Variants in SKA2 observed in about 807,000 individuals in gnomAD.
SKA2 encodes spindle and kinetochore associated complex subunit 2.
In SKA2, 13 loss-of-function variants were observed where a neutral mutation model predicts 16.9. The ratio of observed to expected loss-of-function variants is 0.77; its 90% CI spans 0.50 to 1.22. The LOEUF (loss-of-function observed/expected upper bound fraction) is 1.22. Among genes scored for constraint, SKA2 ranks in the 50% most tolerant of loss-of-function variants. SKA2 has a pLI of 0.00. For missense variants in SKA2, 107 were observed against 139.7 expected, an observed-to-expected ratio of 0.77 and a Z score of 1.18; for synonymous variants, 47 against 48.5, an observed-to-expected ratio of 0.97 and a Z score of 0.13.
chr17:59,144,071 G>A (rs909979797), intron 1 of SKA2, among the ~76,000 whole-genome samples: 2 of 151,984 alleles, frequency 1.3e-5, no homozygotes, highest in South Asian at 2.1e-4. Flanking sequence ...CAGGAGAATC[G>A]CTTGAACCCC....
At chr17:59,127,908 T>C (rs2046382609) in intron 2 of SKA2, among the ~76,000 whole-genome samples, 1 of 152,084 alleles carries the variant, frequency 6.6e-6, no homozygotes, top group East Asian at 1.9e-4. Flanking sequence ...CACCATCAAC[T>C]GATGACTGGA....
At position 59,131,231 on chromosome 17, in the gene SKA2, G is replaced by A. The variant is rs763434005; in HGVS notation, c.120+50C>T. 3 of 1,285,612 alleles carry A rather than the reference G, an allele frequency of 2.3e-6. No homozygotes were observed. In the African/African-American group the frequency reaches 4.5e-5, roughly 19 times the overall value. 79.6% of individuals were successfully genotyped at this position (1,285,612 alleles called of 1,614,324 possible). ...AGGAATGCTATCAGAAAATTCTAAA[G>A]TATTCAGTTAAGGCTGATTTTTTTT... On this transcript the variant is annotated intron_variant, in intron 2 of 3. Coordinates refer to ENST00000330137, the MANE Select transcript of SKA2 (RefSeq NM_182620.4).
intron 2 of SKA2, among the ~76,000 whole-genome samples, chr17:59,127,807 A>G (rs2046382059): frequency 1.3e-5 from 2 of 152,302 alleles, no homozygotes; most frequent in Admixed American, 6.5e-5. Flanking sequence ...ACTCCAAGGT[A>G]TATACTCGAG....
At chr17:59,138,200 G>C (rs1183848091) in intron 1 of SKA2, among the ~76,000 whole-genome samples, 4 of 151,850 alleles carry the variant, frequency 2.6e-5, no homozygotes, top group African/African-American at 9.7e-5. Flanking sequence ...TACAAAATTA[G>C]GTGAAAAAAG....
chr17:59,113,038 G>A (rs557442172), intron 3 of SKA2, among the ~76,000 whole-genome samples: 44 of 150,572 alleles, frequency 2.9e-4, no homozygotes, highest in African/African-American at 1.0e-3. Context: ...TCAGCCTCCC[G>A]AGTAGCTAAT....
In SKA2 at chr17:59,110,065, A is replaced by C. The variant is rs1279243884; in HGVS notation, c.*2212T>G. ...GTGGCTATTAACAATAAAATCAGTA[A>C]GTATTCTGGACATGTTTAACTTGAA... On this transcript the variant is annotated 3_prime_UTR_variant, in exon 4 of 4. Transcript: ENST00000330137. 1 of 152,204 alleles carries C rather than the reference A, an allele frequency of 6.6e-6. No homozygotes were observed. Among genetic ancestry groups the C allele is most frequent in the Non-Finnish European group, 1.5e-5 (1 of 68,052 alleles). 9.4% of individuals were successfully genotyped at this position (152,204 alleles called of 1,614,324 possible). A position where few individuals can be genotyped will look rare whatever the true frequency, so the allele number is the denominator to read the frequency against.
At chr17:59,126,410 G>A (rs2046373025) in intron 2 of SKA2, among the ~76,000 whole-genome samples, 1 of 152,114 alleles carries the variant, frequency 6.6e-6, no homozygotes, top group South Asian at 2.1e-4. Context: ...GGATGTGGGT[G>A]TGAGTATACA....
At chr17:59,133,566 C>T (rs574674347) in intron 1 of SKA2, among the ~76,000 whole-genome samples, 1 of 152,170 alleles carries the variant, frequency 6.6e-6, no homozygotes, top group Admixed American at 6.5e-5. Context: ...CTGTTAAAAG[C>T]AGTTCTCAGG....
intron 1 of SKA2, among the ~76,000 whole-genome samples, chr17:59,147,869 G>T (rs1451928469): frequency 6.6e-6 from 1 of 150,554 alleles, no homozygotes; most frequent in Non-Finnish European, 1.5e-5. Context: ...TTGAGACAAA[G>T]TCTCACTCTG....
At chr17:59,134,961 A>C (rs1054993166) in intron 1 of SKA2, among the ~76,000 whole-genome samples, 2 of 151,912 alleles carry the variant, frequency 1.3e-5, no homozygotes, top group East Asian at 3.9e-4. Context: ...CAGCCTCCCA[A>C]GTAGCTGGGA....
intron 2 of SKA2, among the ~76,000 whole-genome samples, chr17:59,127,001 T>G (rs886330756): frequency 6.6e-6 from 1 of 152,170 alleles, no homozygotes; most frequent in Non-Finnish European, 1.5e-5. Context: ...GTGACATACA[T>G]GAGTCACAAA....
At position 59,139,796 on chromosome 17, in the gene SKA2, G is replaced by T. The variant is rs1005065859; in HGVS notation, c.34-8429C>A. ...GTTTACATGGTAATGTCGCCACATG[G>T]TTTCAAACATCTTCCTGGCAAGAGA... On this transcript the variant is annotated intron_variant, in intron 1 of 3. Transcript: ENST00000330137. 2.6e-5 allele frequency among the ~76,000 whole-genome samples: 4 copies of T among 152,130 alleles called. 1 individual carries two copies. The highest frequency in any genetic ancestry group is 1.3e-4 in the Admixed American group (2 of 15,270).
rs146466680 is a variant in SKA2, at chr17:59,116,855, G to A, written c.297+2464C>T. On this transcript the variant is annotated intron_variant, in intron 3 of 3. Transcript: ENST00000330137. ...TTTTTTTGAGACAGAGTCTCGCTCT[G>A]TTGCCAGGCTGAAGTGCAGTGGCAA... Among the ~76,000 whole-genome samples, 109 of 113,742 alleles carry A rather than the reference G, an allele frequency of 9.6e-4. 2 individuals are homozygous for A. The East Asian group carries it at 0.029, about 30-fold the overall frequency. 74.6% of individuals were successfully genotyped at this position (113,742 alleles called of 152,430 possible). A position where few individuals can be genotyped will look rare whatever the true frequency, so the allele number is the denominator to read the frequency against.
chr17:59,124,080 C>A (rs2046355248), intron 2 of SKA2, among the ~76,000 whole-genome samples: 1 of 152,120 alleles, frequency 6.6e-6, no homozygotes, highest in Non-Finnish European at 1.5e-5. Flanking sequence ...AAGCATTATT[C>A]TTTGTAATTA....
intron 1 of SKA2, among the ~76,000 whole-genome samples, chr17:59,144,146 T>C (rs1331906686): frequency 6.6e-6 from 1 of 151,456 alleles, no homozygotes; most frequent in African/African-American, 2.4e-5. Context: ...TAAGCCGAGA[T>C]CGCGCCACTG....
At chr17:59,149,232 T>G (rs1035335935) in intron 1 of SKA2, among the ~76,000 whole-genome samples, 7 of 152,200 alleles carry the variant, frequency 4.6e-5, no homozygotes, top group African/African-American at 1.7e-4. Context: ...AAAGACATAC[T>G]CATGGCGACT....
Position 59,125,036 on chromosome 17 carries a change from G to A in SKA2, c.121-5541C>T, listed in dbSNP as rs188876008. On this transcript the variant is annotated intron_variant, in intron 2 of 3. Coordinates refer to ENST00000330137, the MANE Select transcript of SKA2 (RefSeq NM_182620.4). The stretch of plus-strand genomic sequence containing the variant: ...TTTCCCAGGCTGGAGTGCAATGGCG[G>A]GATCTCAGCTCACCGCAACTTTCGC... 2.3e-3 allele frequency among the ~76,000 whole-genome samples: 355 copies of A among 151,432 alleles called. 4 individuals carry two copies. Among genetic ancestry groups the A allele is most frequent in the African/African-American group, 8.2e-3 (339 of 41,288 alleles).
rs184017023 is a variant in SKA2 at position 59,149,254 on chromosome 17, C to T, written c.33+5877G>A. Among the ~76,000 whole-genome samples, 215 of 152,240 alleles carry T rather than the reference C, an allele frequency of 1.4e-3. 6 individuals are homozygous for T. Among genetic ancestry groups the T allele is most frequent in the Admixed American group, 0.014 (209 of 15,282 alleles). On this transcript the variant is annotated intron_variant, in intron 1 of 3. Coordinates refer to ENST00000330137, the MANE Select transcript of SKA2 (RefSeq NM_182620.4). ...TACTCATGGCGACTCACTCCCAGAA[C>T]CCCAGCACTTTGGGAGACTGAAGTG...
intron 1 of SKA2, among the ~76,000 whole-genome samples, chr17:59,142,692 C>T (rs2046500406): frequency 1.3e-5 from 2 of 151,356 alleles, no homozygotes; most frequent in Non-Finnish European, 2.9e-5. Flanking sequence ...TCTGGGAAGC[C>T]GAGGTGGGTG....
Sources: allele counts gnomAD v4.1 joint callset (sites outside exome capture counted in the v4.1 genomes callset), GRCh38; gene constraint gnomAD v4.1.1; transcripts MANE v1.5; gene names NCBI Gene and HGNC (gene_info 2026-07-23, HGNC 2026-07-21).